EPB41L2: variants seen among roughly 807,000 people sequenced by gnomAD.
EPB41L2 encodes erythrocyte membrane protein band 4.1 like 2.
Under a neutral mutation model 113.0 loss-of-function variants are expected in EPB41L2, and 43 were observed. The ratio of observed to expected loss-of-function variants is 0.38; its 90% CI spans 0.30 to 0.49. The LOEUF (loss-of-function observed/expected upper bound fraction) is 0.49, where lower values mean the gene tolerates loss of function less well. EPB41L2 is among the 20% of genes least tolerant of loss of function. The probability of loss-of-function intolerance (pLI) is 0.95; values close to 1 mark genes in which losing one functional copy is unlikely to be tolerated. For missense variants in EPB41L2, 1,147 were observed against 1,223.4 expected (o/e 0.94, Z 0.93); for synonymous variants, 442 against 436.7 (o/e 1.01, Z -0.15).
chr6:130,927,036 T>C (rs1001308336), intron 3 of EPB41L2, among the ~76,000 whole-genome samples: 1 of 152,188 alleles, frequency 6.6e-6, no homozygotes, highest in Non-Finnish European at 1.5e-5. Flanking sequence ...CTTCCATCAA[T>C]TCCTCAAGGT....
chr6:130,889,943 C>G (rs1214685504), intron 11 of EPB41L2, among the ~76,000 whole-genome samples: 2 of 152,132 alleles, frequency 1.3e-5, no homozygotes, highest in Non-Finnish European at 2.9e-5. Context: ...CACCCCAAAT[C>G]TGAACATATG....
chr6:130,942,698 A>G (rs533325139), intron 3 of EPB41L2, among the ~76,000 whole-genome samples: 2 of 152,148 alleles, frequency 1.3e-5, no homozygotes, highest in African/African-American at 4.8e-5. Flanking sequence ...GGTTTGCTGC[A>G]CCCATTAACC....
At chr6:130,885,322 T>C (rs1583063901) in intron 11 of EPB41L2, 54 bp from the exon 12 acceptor site, 2 of 1,582,630 alleles carry the variant, frequency 1.3e-6, no homozygotes, top group Admixed American at 1.7e-5. Flanking sequence ...TCATAAACTT[T>C]ATGGAAAATT....
intron 4 of EPB41L2, among the ~76,000 whole-genome samples, chr6:130,924,676 G>A (rs1405930024): frequency 1.3e-5 from 2 of 152,020 alleles, no homozygotes; most frequent in Non-Finnish European, 2.9e-5. Context: ...CACCATGCCC[G>A]GCCACTAGTT....
intron 19 of EPB41L2, among the ~76,000 whole-genome samples, chr6:130,850,139 G>A (rs1019859080): frequency 2.6e-5 from 4 of 152,172 alleles, no homozygotes; most frequent in African/African-American, 9.7e-5. Context: ...TCGGGAGGCT[G>A]AGGTAGGAGA....
intron 4 of EPB41L2, among the ~76,000 whole-genome samples, chr6:130,913,234 G>A (rs1455954321): frequency 6.6e-6 from 1 of 152,190 alleles, no homozygotes; most frequent in Non-Finnish European, 1.5e-5. Context: ...CAGACTTGGT[G>A]TCATTCTCAG....
At chr6:131,061,216 T>C (rs922336738) in intron 1 of EPB41L2, among the ~76,000 whole-genome samples, 22 of 152,164 alleles carry the variant, frequency 1.4e-4, no homozygotes, top group Non-Finnish European at 2.6e-4. Context: ...CAGCCTCTTG[T>C]TCTCGGCAGT....
chr6:130,960,082 G>T (rs1818830280), intron 1 of EPB41L2, among the ~76,000 whole-genome samples: 1 of 152,130 alleles, frequency 6.6e-6, no homozygotes, highest in Non-Finnish European at 1.5e-5. Flanking sequence ...ATTCTACAAA[G>T]TATGTATTAT....
At chr6:130,870,732 A>G (rs1367585149) in intron 14 of EPB41L2, among the ~76,000 whole-genome samples, 1 of 152,208 alleles carries the variant, frequency 6.6e-6, no homozygotes, top group Non-Finnish European at 1.5e-5. Context: ...TTTGGTTTTA[A>G]TCAGACTATA....
chr6:130,865,667 T>G, intron 16 of EPB41L2, 33 bp from the exon 17 acceptor site: 1 of 1,600,112 alleles, frequency 6.2e-7, no homozygotes. Context: ...TACAAAGTAA[T>G]GCTTAACTTC....
intron 18 of EPB41L2, chr6:130,858,474 G>A (rs967984912): frequency 9.2e-6 from 4 of 436,346 alleles, no homozygotes; most frequent in African/African-American, 8.0e-5. Context: ...ATGACACGTA[G>A]AGGAAACATG....
chr6:130,922,070 G>A (rs559575800), intron 4 of EPB41L2, among the ~76,000 whole-genome samples: 24 of 152,266 alleles, frequency 1.6e-4, no homozygotes, highest in African/African-American at 4.3e-4. Context: ...GTGCATATGC[G>A]CACACGCACG....
intron 1 of EPB41L2, among the ~76,000 whole-genome samples, chr6:130,970,709 C>A (rs935723333): frequency 1.3e-5 from 2 of 151,854 alleles, no homozygotes; most frequent in Non-Finnish European, 2.9e-5. Flanking sequence ...TTAATTCATC[C>A]CAGAATAGAC....
chr6:130,849,337 A>G (rs964799522), intron 19 of EPB41L2, among the ~76,000 whole-genome samples: 3 of 152,240 alleles, frequency 2.0e-5, no homozygotes, highest in Admixed American at 2.0e-4. Flanking sequence ...AACAAAAAAC[A>G]AAACTGTGGA....
chr6:130,907,943 G>A (rs183034150), intron 5 of EPB41L2, among the ~76,000 whole-genome samples: 124 of 152,280 alleles, frequency 8.1e-4, no homozygotes, highest in South Asian at 4.8e-3. Flanking sequence ...CTCCACAGTC[G>A]AGGAAGGCTG....
chr6:130,915,762 G>C (rs1169958071), intron 4 of EPB41L2, among the ~76,000 whole-genome samples: 2 of 152,158 alleles, frequency 1.3e-5, no homozygotes, highest in Non-Finnish European at 2.9e-5. Context: ...TCATGATAGT[G>C]AATGGGTCTC....
intron 14 of EPB41L2, among the ~76,000 whole-genome samples, chr6:130,874,862 A>C (rs547334592): frequency 6.6e-6 from 1 of 152,226 alleles, no homozygotes; most frequent in Admixed American, 6.5e-5. Context: ...AAAATGTCAA[A>C]GTTTCCTACT....
intron 1 of EPB41L2, among the ~76,000 whole-genome samples, chr6:131,051,145 A>G (rs1198737284): frequency 6.6e-6 from 1 of 152,092 alleles, no homozygotes; most frequent in Non-Finnish European, 1.5e-5. Context: ...TTCTTGACCA[A>G]TAACATATCA....
chr6:130,976,811 T>G (rs1401341209), intron 1 of EPB41L2, among the ~76,000 whole-genome samples: 1 of 152,218 alleles, frequency 6.6e-6, no homozygotes, highest in East Asian at 1.9e-4. Flanking sequence ...TTTCATTCTA[T>G]TTTATGTCTA....
Sources: allele counts gnomAD v4.1 joint callset (sites outside exome capture counted in the v4.1 genomes callset), GRCh38; gene constraint gnomAD v4.1.1; transcripts MANE v1.5; gene names NCBI Gene and HGNC (gene_info 2026-07-23, HGNC 2026-07-21).